The following IL1RAPL2 variants were observed in gnomAD, a reference collection of about 807,000 sequenced individuals.
The protein encoded by IL1RAPL2 is X-linked interleukin-1 receptor accessory protein-like 2.
Under a neutral mutation model 44.1 loss-of-function variants are expected in IL1RAPL2, and 3 were observed. That is an observed-to-expected ratio of 0.07 (90% CI 0.03 to 0.18). IL1RAPL2 has a LOEUF of 0.18. Ranked by LOEUF, IL1RAPL2 falls within the 10% of genes least tolerant of loss-of-function variation. The pLI, the probability that IL1RAPL2 is intolerant of heterozygous loss-of-function variation, is 1.00. For synonymous variants in IL1RAPL2, 181 were observed against 178.8 expected (o/e 1.01, Z -0.10); for missense variants, 391 against 496.4 (o/e 0.79, Z 2.02).
intron 2 of IL1RAPL2, among the ~76,000 whole-genome samples, chrX:104,685,984 G>C (rs1269418307): frequency 1.8e-5 from 2 of 109,046 alleles, no homozygotes; most frequent in Non-Finnish European, 3.8e-5. Flanking sequence ...TAAAAAAAAA[G>C]AACATCCACA....
intron 1 of IL1RAPL2, among the ~76,000 whole-genome samples, chrX:104,614,213 C>T (rs769125363): frequency 9.6e-4 from 107 of 111,226 alleles, no homozygotes; most frequent in African/African-American, 3.4e-3. Flanking sequence ...TCTGGTTTTA[C>T]TTATTTTCTG....
intron 5 of IL1RAPL2, among the ~76,000 whole-genome samples, chrX:105,417,290 T>C (rs763111980): frequency 1.8e-5 from 2 of 111,991 alleles, no homozygotes; most frequent in African/African-American, 3.2e-5. Flanking sequence ...CTGGCCGACA[T>C]GGTGAAACCC....
intron 2 of IL1RAPL2, among the ~76,000 whole-genome samples, chrX:105,035,219 G>A (rs5916716): frequency 1.0e-3 from 117 of 111,486 alleles, no homozygotes; most frequent in Non-Finnish European, 1.6e-3. Context: ...ATCCTGCTTC[G>A]GCTCACGCAC....
intron 6 of IL1RAPL2, among the ~76,000 whole-genome samples, chrX:105,576,819 C>A (rs2037053563): frequency 9.0e-6 from 1 of 111,444 alleles, no homozygotes; most frequent in East Asian, 2.8e-4. Context: ...CATCAAAATT[C>A]TATCAGGTCC....
At chrX:105,763,554 G>A (rs988101598) in intron 10 of IL1RAPL2, among the ~76,000 whole-genome samples, 11 of 110,751 alleles carry the variant, frequency 9.9e-5, no homozygotes, top group African/African-American at 3.6e-4. Context: ...GAGGAAGAAT[G>A]GGATAGGTAA....
chrX:105,291,196 A>T (rs2034609894), intron 5 of IL1RAPL2, among the ~76,000 whole-genome samples: 1 of 112,384 alleles, frequency 8.9e-6, no homozygotes, highest in Non-Finnish European at 1.9e-5. Context: ...TGTAAAACAG[A>T]AATGAAAATA....
At chrX:105,731,234 A>G (rs1311175987) in intron 7 of IL1RAPL2, among the ~76,000 whole-genome samples, 2 of 111,249 alleles carry the variant, frequency 1.8e-5, no homozygotes, top group Non-Finnish European at 3.8e-5. Flanking sequence ...ATCAGAAACT[A>G]CTATGAACAA....
At chrX:104,852,948 T>C (rs1922267061) in intron 2 of IL1RAPL2, among the ~76,000 whole-genome samples, 1 of 111,604 alleles carries the variant, frequency 9.0e-6, no homozygotes, top group Non-Finnish European at 1.9e-5. Context: ...GGATGATGGG[T>C]GCATTGGCCC....
At chrX:105,496,922 C>A (rs1276893050) in intron 6 of IL1RAPL2, among the ~76,000 whole-genome samples, 1 of 111,749 alleles carries the variant, frequency 8.9e-6, no homozygotes, top group Non-Finnish European at 1.9e-5. Context: ...CATGAGTGAC[C>A]ACTTTGTATA....
At position 105,597,528 on chromosome X, in the gene IL1RAPL2, T is replaced by C. The variant is rs762919143; in HGVS notation, c.772+113141T>C. On this transcript the variant is annotated intron_variant, in intron 6 of 10. Coordinates refer to ENST00000372582, the MANE Select transcript of IL1RAPL2 (RefSeq NM_017416.2). ...GTAAAGGGGGAGTAGGCATGTCACATAGTGAAAGCAAGAGCCAGAGAGCGA... is the reference window on the plus strand; with the variant it reads ...GTAAAGGGGGAGTAGGCATGTCACACAGTGAAAGCAAGAGCCAGAGAGCGA... 1.4e-4 allele frequency among the ~76,000 whole-genome samples: 16 copies of C among 110,893 alleles called. No individual in the cohort carries two copies. The East Asian group carries it at 4.6e-3, about 32-fold the overall frequency.
chrX:104,873,610 G>T (rs1465588333), intron 2 of IL1RAPL2, among the ~76,000 whole-genome samples: 3 of 111,071 alleles, frequency 2.7e-5, no homozygotes, highest in Non-Finnish European at 5.7e-5. Flanking sequence ...TTCAGAGGAG[G>T]AAGAGCAAGG....
intron 8 of IL1RAPL2, among the ~76,000 whole-genome samples, chrX:105,747,545 C>CACACATATAT (rs1556399879): frequency 1.1e-4 from 11 of 99,328 alleles, no homozygotes; most frequent in Non-Finnish European, 1.4e-4. Flanking sequence ...TACACACACA[C>CACACATATAT]ACACACATAT....
At chrX:105,233,278 C>T (rs1011994613) in intron 3 of IL1RAPL2, among the ~76,000 whole-genome samples, 4 of 111,038 alleles carry the variant, frequency 3.6e-5, no homozygotes, top group African/African-American at 6.6e-5. Flanking sequence ...AGCGAGGCGC[C>T]GTCTCAAAAA....
At position 104,611,164 on chromosome X, in the gene IL1RAPL2, C is replaced by G. The variant is rs181444208; in HGVS notation, c.-20+44113C>G. On this transcript the variant is annotated intron_variant, in intron 1 of 10. Coordinates refer to ENST00000372582, the MANE Select transcript of IL1RAPL2 (RefSeq NM_017416.2). ...GCACCCACTTGAGGAGGCAGTCTGT[C>G]CATTATCAGAGCTTGAACACTATGC... is the stretch of plus-strand genomic sequence containing the variant. 1.3e-4 allele frequency among the ~76,000 whole-genome samples: 15 copies of G among 111,601 alleles called. No individual in the cohort carries two copies. The East Asian group carries it at 3.1e-3, about 23-fold the overall frequency.
At chrX:105,273,784 A>G (rs770712256) in intron 5 of IL1RAPL2, among the ~76,000 whole-genome samples, 2 of 112,070 alleles carry the variant, frequency 1.8e-5, no homozygotes, top group South Asian at 3.7e-4. Flanking sequence ...AGATAAATGT[A>G]TATGCTTTTC....
chrX:104,806,699 T>C (rs999436717), intron 2 of IL1RAPL2, among the ~76,000 whole-genome samples: 1 of 112,781 alleles, frequency 8.9e-6, no homozygotes. Flanking sequence ...CTCTGGTCAC[T>C]GCAGTAAAAG....
intron 5 of IL1RAPL2, among the ~76,000 whole-genome samples, chrX:105,389,767 A>G (rs759810536): frequency 4.0e-4 from 44 of 111,283 alleles, no homozygotes; most frequent in East Asian, 2.8e-4. Flanking sequence ...TTATTATTCA[A>G]ATGAGAAAAC....
intron 5 of IL1RAPL2, among the ~76,000 whole-genome samples, chrX:105,427,863 A>G (rs186042858): frequency 8.9e-6 from 1 of 112,016 alleles, no homozygotes; most frequent in Admixed American, 9.5e-5. Flanking sequence ...TTCAGTTTCT[A>G]TTGAAAGGAT....
At chrX:105,228,693 CT>C (rs2034040327) in intron 3 of IL1RAPL2, among the ~76,000 whole-genome samples, 1 of 112,333 alleles carries the variant, frequency 8.9e-6, no homozygotes, top group African/African-American at 3.2e-5. Flanking sequence ...ATCTGCTCTT[CT>C]TTCTATCAGC....
Sources: allele counts gnomAD v4.1 joint callset (sites outside exome capture counted in the v4.1 genomes callset), GRCh38; gene constraint gnomAD v4.1.1; transcripts MANE v1.5; gene names NCBI Gene and HGNC (gene_info 2026-07-23, HGNC 2026-07-21).